HDAC9: variants seen among roughly 807,000 people sequenced by gnomAD.
HDAC9 encodes the protein histone deacetylase 9.
In HDAC9, 41 loss-of-function variants were observed where a neutral mutation model predicts 139.4. The observed-to-expected ratio is 0.29, with a 90% CI of 0.23 to 0.38. The LOEUF (loss-of-function observed/expected upper bound fraction) is 0.38. Ranked by LOEUF, HDAC9 falls within the 10% of genes least tolerant of loss-of-function variation. The pLI is 1.00. For synonymous variants in HDAC9, 517 were observed against 476.2 expected, an observed-to-expected ratio of 1.09 and a Z score of -1.12; for missense variants, 1,147 against 1,297.0, an observed-to-expected ratio of 0.88 and a Z score of 1.78.
chr7:18,299,729 A>G (rs1798408943), intron 1 of HDAC9, among the ~76,000 whole-genome samples: 1 of 152,202 alleles, frequency 6.6e-6, no homozygotes, highest in Non-Finnish European at 1.5e-5. Context: ...AACTTGGTTG[A>G]AAAGTATGAT....
At chr7:18,856,660 TTA>T (rs1226365896) in intron 21 of HDAC9, among the ~76,000 whole-genome samples, 1 of 152,178 alleles carries the variant, frequency 6.6e-6, no homozygotes, top group Non-Finnish European at 1.5e-5. Context: ...TAATTTCAGT[TTA>T]TGAGTTTGTG....
intron 1 of HDAC9, among the ~76,000 whole-genome samples, chr7:18,411,816 GCTTTTT>G: frequency 1.1e-5 from 1 of 89,462 alleles, no homozygotes; most frequent in Admixed American, 1.4e-4. Context: ...ATTTCAACTT[GCTTTTT>G]TTTTTTTTTT....
chr7:18,429,967 G>A (rs1183761305), intron 1 of HDAC9, among the ~76,000 whole-genome samples: 1 of 151,756 alleles, frequency 6.6e-6, no homozygotes, highest in East Asian at 1.9e-4. Context: ...ATACCACTTG[G>A]GTGTCAAGAA....
At chr7:18,957,763 A>G (rs1783257409) in intron 24 of HDAC9, among the ~76,000 whole-genome samples, 1 of 152,154 alleles carries the variant, frequency 6.6e-6, no homozygotes, top group South Asian at 2.1e-4. Context: ...CTTCCTCTTC[A>G]CATACGTCTC....
chr7:18,518,740 C>T (rs539064827), intron 2 of HDAC9, among the ~76,000 whole-genome samples: 1 of 152,150 alleles, frequency 6.6e-6, no homozygotes, highest in Non-Finnish European at 1.5e-5. Flanking sequence ...ACGGAAAGGC[C>T]AGTAATAGCC....
chr7:18,991,292 A>T (rs1255160073), intron 25 of HDAC9, among the ~76,000 whole-genome samples: 1 of 152,232 alleles, frequency 6.6e-6, no homozygotes, highest in African/African-American at 2.4e-5. Context: ...ACAAAATACG[A>T]ACTAATATAT....
intron 17 of HDAC9, among the ~76,000 whole-genome samples, chr7:18,819,364 C>A (rs1042289818): frequency 2.0e-5 from 3 of 152,084 alleles, no homozygotes; most frequent in Non-Finnish European, 4.4e-5. Flanking sequence ...TTACTGCCTG[C>A]CCTTTATTTG....
intron 6 of HDAC9, among the ~76,000 whole-genome samples, chr7:18,594,918 T>C (rs1398768518): frequency 6.6e-6 from 1 of 152,118 alleles, no homozygotes; most frequent in Non-Finnish European, 1.5e-5. Flanking sequence ...GACTCAGATC[T>C]ACTTGAAGAA....
intron 12 of HDAC9, among the ~76,000 whole-genome samples, chr7:18,693,147 C>T (rs1782792061): frequency 6.6e-6 from 1 of 151,754 alleles, no homozygotes. Flanking sequence ...ACTAGATCAA[C>T]TTAGATATTA....
chr7:18,088,648 C>T (rs371503501), intron 1 of HDAC9, among the ~76,000 whole-genome samples: 31 of 152,178 alleles, frequency 2.0e-4, no homozygotes, highest in South Asian at 6.2e-4. Context: ...CCTTCTTTTT[C>T]GTACTTTTGA....
At chr7:18,111,068 G>A (rs1333408474) in intron 1 of HDAC9, among the ~76,000 whole-genome samples, 1 of 152,172 alleles carries the variant, frequency 6.6e-6, no homozygotes, top group Non-Finnish European at 1.5e-5. Flanking sequence ...TAAGTACTCT[G>A]TGCCAAACAA....
chr7:18,198,456 A>G (rs1290159224), intron 2 of HDAC9, among the ~76,000 whole-genome samples: 1 of 152,214 alleles, frequency 6.6e-6, no homozygotes, highest in Non-Finnish European at 1.5e-5. Context: ...AAAGGGAAGA[A>G]TCAGTGGCTC....
At chr7:18,263,613 C>CTTT (rs33938966) in intron 2 of HDAC9, among the ~76,000 whole-genome samples, 71 of 146,414 alleles carry the variant, frequency 4.8e-4, no homozygotes, top group Middle Eastern at 3.5e-3. Context: ...TTATAATTGA[C>CTTT]TTTTTTTTTT....
chr7:18,355,790 A>G (rs144610427), intron 1 of HDAC9, among the ~76,000 whole-genome samples: 1 of 152,316 alleles, frequency 6.6e-6, no homozygotes, highest in East Asian at 1.9e-4. Context: ...AAAGCACTAC[A>G]AAAAGGAGGA....
intron 1 of HDAC9, among the ~76,000 whole-genome samples, chr7:18,138,069 C>G (rs1785567848): frequency 1.3e-5 from 2 of 152,178 alleles, no homozygotes; most frequent in South Asian, 2.1e-4. Context: ...TGCATTAGTA[C>G]TAGATTTTCT....
intron 22 of HDAC9, among the ~76,000 whole-genome samples, chr7:18,920,710 T>C (rs1384997100): frequency 6.6e-6 from 1 of 152,132 alleles, no homozygotes; most frequent in Non-Finnish European, 1.5e-5. Context: ...TGAAGCGTTG[T>C]TGAATTTTGT....
At chr7:18,711,549 G>A (rs1021077652) in intron 12 of HDAC9, among the ~76,000 whole-genome samples, 4 of 152,204 alleles carry the variant, frequency 2.6e-5, no homozygotes, top group Non-Finnish European at 4.4e-5. Flanking sequence ...TGAGGAATGA[G>A]TCTGTGCTCA....
intron 12 of HDAC9, among the ~76,000 whole-genome samples, chr7:18,722,453 GA>G (rs1785215530): frequency 6.6e-6 from 1 of 152,066 alleles, no homozygotes; most frequent in Non-Finnish European, 1.5e-5. Flanking sequence ...AGCACTGTAA[GA>G]GAGAAGCATG....
rs539154760 is a variant in HDAC9, at chr7:18,272,770, C to G, written c.25+110421C>G. Among the ~76,000 whole-genome samples, 258 of 152,120 alleles carry G rather than the reference C, an allele frequency of 1.7e-3. 3 individuals are homozygous for G. Among genetic ancestry groups the G allele is most frequent in the African/African-American group, 6.1e-3 (251 of 41,486 alleles). ...GGTATGGGTTCAGTAAAATTCTAAT[C>G]AAGACCTTAACAAATTTTTAAATAG... On this transcript the variant is annotated intron_variant, in intron 2 of 12. Coordinates refer to the HDAC9 transcript ENST00000417496.
Sources: gnomAD v4.1 joint callset for allele counts (sites outside exome capture counted in the v4.1 genomes callset) on GRCh38, gnomAD v4.1.1 for gene constraint, MANE v1.5 for transcripts, NCBI Gene and HGNC (gene_info 2026-07-23, HGNC 2026-07-21) for gene names.